The following STAG2 variants were observed in gnomAD, a reference collection of about 807,000 sequenced individuals.
STAG2 encodes cohesin subunit SA-2.
In STAG2, 14 loss-of-function variants were observed where a neutral mutation model predicts 108.1. That is an observed-to-expected ratio of 0.13 (90% confidence interval 0.09 to 0.20). The LOEUF (loss-of-function observed/expected upper bound fraction) is 0.20, where lower values mean the gene tolerates loss of function less well. STAG2 is among the 10% of genes least tolerant of loss of function. The pLI, the probability that STAG2 is intolerant of heterozygous loss-of-function variation, is 1.00. For missense variants in STAG2, 440 were observed against 940.9 expected (o/e 0.47, Z 6.96); for synonymous variants, 307 against 302.7 (o/e 1.01, Z -0.15).
At chrX:123,982,762 GC>G (rs1331259857) in intron 1 of STAG2, among the ~76,000 whole-genome samples, 1 of 33,112 alleles carries the variant, frequency 3.0e-5, no homozygotes, top group Non-Finnish European at 5.1e-5. Context: ...CTTTTTTTTT[GC>G]CCTTTTTTTT....
intron 8 of STAG2, among the ~76,000 whole-genome samples, chrX:124,045,599 A>C (rs981486176): frequency 1.8e-5 from 2 of 111,367 alleles, no homozygotes; most frequent in Admixed American, 9.6e-5. Context: ...CTTGTATACT[A>C]TGCATACTGT....
At chrX:124,015,908 C>T (rs1334740583) in intron 1 of STAG2, among the ~76,000 whole-genome samples, 1 of 111,176 alleles carries the variant, frequency 9.0e-6, no homozygotes, top group Non-Finnish European at 1.9e-5. Context: ...TATGCTGTCT[C>T]CTGAGAAAGT....
Position 123,985,023 on chromosome X carries a change from C to G in STAG2, c.-163+23167C>G, listed in dbSNP as rs746443204. 6.3e-5 allele frequency among the ~76,000 whole-genome samples: 7 copies of G among 111,809 alleles called. No homozygotes were observed. The South Asian group carries it at 2.6e-3, about 41-fold the overall frequency. The stretch of plus-strand genomic sequence containing the variant: ...CATTTCTGAACCTACCACTCAGATT[C>G]TTAAACATCAGTCTATGAAGCAGGA... On this transcript the variant is annotated intron_variant, in intron 1 of 34. Coordinates refer to ENST00000371145, the MANE Select transcript of STAG2 (RefSeq NM_001042750.2).
chrX:124,063,003 G>A lies in STAG2; in HGVS notation c.1731+9G>A. 8.3e-7 allele frequency: 1 copy of A among 1,203,602 alleles called. No individual in the cohort carries two copies. The highest frequency in any genetic ancestry group is 1.1e-6 in the Non-Finnish European group (1 of 888,959). On this transcript the variant is annotated intron_variant, in intron 18 of 34. Transcript: ENST00000371145. The stretch of plus-strand genomic sequence containing the variant: ...CTCAGTTATTAGCAAAAGTAAGTTT[G>A]TGTCAATATCATAGTGTTACTAAGA...
intron 18 of STAG2, 23 bp downstream of exon 18, chrX:124,063,017 G>A (rs1330607798): frequency 2.5e-6 from 3 of 1,188,958 alleles, no homozygotes; most frequent in South Asian, 1.8e-5. Context: ...CAATATCATA[G>A]TGTTACTAAG....
chrX:124,002,625 T>C (rs939973765), intron 1 of STAG2, among the ~76,000 whole-genome samples: 3 of 110,363 alleles, frequency 2.7e-5, no homozygotes, highest in Non-Finnish European at 5.7e-5. Context: ...GCGTCAGCCA[T>C]ACACCTGATT....
chrX:123,970,098 A>G (rs1485723294), intron 1 of STAG2, among the ~76,000 whole-genome samples: 1 of 108,485 alleles, frequency 9.2e-6, no homozygotes, highest in African/African-American at 3.4e-5. Flanking sequence ...CATAGCCATG[A>G]GTCAAATTTA....
intron 34 of STAG2, 31 bp downstream of exon 34, chrX:124,095,480 G>T (rs777717269): frequency 5.4e-6 from 6 of 1,108,972 alleles, no homozygotes; most frequent in Non-Finnish European, 7.5e-6. Flanking sequence ...CCCTAGGATT[G>T]CAAAATCAGA....
intron 1 of STAG2, among the ~76,000 whole-genome samples, chrX:123,975,539 C>T (rs750328256): frequency 4.3e-4 from 48 of 112,027 alleles, no homozygotes; most frequent in African/African-American, 1.0e-3. Flanking sequence ...CTCAGCTCAC[C>T]GGCAACCTCC....
chrX:123,970,179 A>G (rs981357658), intron 1 of STAG2, among the ~76,000 whole-genome samples: 3 of 109,693 alleles, frequency 2.7e-5, no homozygotes, highest in African/African-American at 1.0e-4. Context: ...GATGAACAGC[A>G]GTCTTATACT....
intron 3 of STAG2, 30 bp downstream of exon 3, chrX:124,022,701 A>T (rs1461941944): frequency 9.7e-7 from 1 of 1,027,342 alleles, no homozygotes; most frequent in Non-Finnish European, 1.3e-6. Flanking sequence ...ATAATTTTTA[A>T]ATACTTGTTT....
At chrX:124,020,731 A>G (rs946225987) in intron 1 of STAG2, among the ~76,000 whole-genome samples, 1 of 111,751 alleles carries the variant, frequency 8.9e-6, no homozygotes, top group African/African-American at 3.2e-5. Flanking sequence ...TATGTTTGAG[A>G]CAGAGTCTCG....
Position 124,072,879 on chromosome X carries a change from T to TC in STAG2, c.2533+1556_2533+1557insC, listed in dbSNP as rs1170547450. Among the ~76,000 whole-genome samples, 4 of 102,705 alleles carry TC rather than the reference T, an allele frequency of 3.9e-5. No homozygotes were observed. The East Asian group carries it at 1.2e-3, about 31-fold the overall frequency. 89.2% of individuals were successfully genotyped at this position (102,705 alleles called of 115,157 possible). A position where few individuals can be genotyped will look rare whatever the true frequency, so the allele number is the denominator to read the frequency against. ...CCACGCCCAGCTAATTTTTCTTTTT[T>TC]TTTTCTTTCTTTCTTTCTTTCTTTC... On this transcript the variant is annotated intron_variant, in intron 25 of 34. Coordinates refer to ENST00000371145, the MANE Select transcript of STAG2 (RefSeq NM_001042750.2).
At position 124,063,235 on chromosome X, in the gene STAG2, T is replaced by A. The variant is rs376432183; in HGVS notation, c.1821+30T>A. 1.1e-5 allele frequency: 11 copies of A among 1,032,463 alleles called. No individual in the cohort carries two copies. The African/African-American group carries it at 2.1e-4, about 20-fold the overall frequency. The allele number at this position is 1,032,463 out of a possible 1,213,427, so 85.1% of individuals were successfully genotyped here. On this transcript the variant is annotated intron_variant, in intron 19 of 34. Transcript: ENST00000371145. The stretch of plus-strand genomic sequence containing the variant: ...GATTATTTTGTGTAAAAAAAACCTT[T>A]AAGAAAAATTATTCAGTTCATTATA...
At chrX:123,994,687 A>C (rs2055643459) in intron 1 of STAG2, among the ~76,000 whole-genome samples, 2 of 112,144 alleles carry the variant, frequency 1.8e-5, no homozygotes, top group Admixed American at 9.5e-5. Flanking sequence ...AGTGATTCAC[A>C]ATACTTTAAG....
At chrX:124,056,590 G>A (rs901495518) in intron 14 of STAG2, among the ~76,000 whole-genome samples, 23 of 107,470 alleles carry the variant, frequency 2.1e-4, no homozygotes, top group African/African-American at 3.0e-4. Context: ...AAAATCAGCC[G>A]GGCCTGGTGG....
intron 4 of STAG2, among the ~76,000 whole-genome samples, chrX:124,027,856 C>G (rs2057158700): frequency 9.0e-6 from 1 of 111,086 alleles, no homozygotes; most frequent in Middle Eastern, 4.2e-3. Flanking sequence ...AGTTTTTTTT[C>G]TCTCCAAGGT....
intron 1 of STAG2, among the ~76,000 whole-genome samples, chrX:124,012,980 G>A (rs1255682507): frequency 9.0e-6 from 1 of 111,515 alleles, no homozygotes; most frequent in East Asian, 2.8e-4. Context: ...CATCAAGCAG[G>A]ATTATCCTGT....
chrX:124,076,944 T>G (rs1264613546), intron 26 of STAG2, among the ~76,000 whole-genome samples: 1 of 110,884 alleles, frequency 9.0e-6, no homozygotes, highest in Admixed American at 9.7e-5. Context: ...CTGATTTGAT[T>G]AACCATAGGT....
Sources: allele counts gnomAD v4.1 joint callset (sites outside exome capture counted in the v4.1 genomes callset), GRCh38; gene constraint gnomAD v4.1.1; transcripts MANE v1.5; gene names NCBI Gene and HGNC (gene_info 2026-07-23, HGNC 2026-07-21).